The following SLITRK2 variants were observed in gnomAD, a reference collection of about 807,000 sequenced individuals.
SLITRK2 encodes the protein SLIT and NTRK-like protein 2.
A neutral mutation model predicts 35.4 loss-of-function variants in SLITRK2; 13 were observed. The ratio of observed to expected loss-of-function variants is 0.37; its 90% CI spans 0.24 to 0.58. SLITRK2 has a LOEUF of 0.58. Ranked by LOEUF, SLITRK2 falls within the 20% of genes least tolerant of loss-of-function variation. The probability of loss-of-function intolerance (pLI) is 0.75; values close to 1 mark genes in which losing one functional copy is unlikely to be tolerated. For missense variants in SLITRK2, 471 were observed against 634.3 expected, an observed-to-expected ratio of 0.74 and a Z score of 2.76; for synonymous variants, 294 against 264.7, an observed-to-expected ratio of 1.11 and a Z score of -1.07.
rs1556946034 is a variant in SLITRK2 at position 145,827,301 on chromosome X, G to T, written c.*2338G>T. The T allele has an allele frequency of 8.4e-6, 1 of 118,437 alleles. No homozygotes were observed. Among genetic ancestry groups the T allele is most frequent in the Admixed American group, 9.0e-5 (1 of 11,165 alleles). 9.8% of individuals were successfully genotyped at this position (118,437 alleles called of 1,213,427 possible). A position where few individuals can be genotyped will look rare whatever the true frequency, so the allele number is the denominator to read the frequency against. On this transcript the variant is annotated 3_prime_UTR_variant, in exon 5 of 5. Coordinates refer to ENST00000335565, the MANE Select transcript of SLITRK2 (RefSeq NM_032539.5). The stretch of plus-strand genomic sequence containing the variant: ...CTCATTTGATGCAATGATAAATACA[G>T]AATACAGAGGTAGGTATTTTGGGAA...
At position 145,828,291 on chromosome X, in the gene SLITRK2, G is replaced by A; in HGVS notation, c.*3328G>A. 1 of 257,826 alleles carries A rather than the reference G, an allele frequency of 3.9e-6. No homozygotes were observed. Among genetic ancestry groups the A allele is most frequent in the East Asian group, 6.4e-5 (1 of 15,680 alleles). 21.2% of individuals were successfully genotyped at this position (257,826 alleles called of 1,213,427 possible). A position where few individuals can be genotyped will look rare whatever the true frequency, so the allele number is the denominator to read the frequency against. On this transcript the variant is annotated 3_prime_UTR_variant, in exon 5 of 5. Coordinates refer to ENST00000335565, the MANE Select transcript of SLITRK2 (RefSeq NM_032539.5). The stretch of plus-strand genomic sequence containing the variant: ...TTCTTAATGTCTCCAAGTCATCAAG[G>A]GCTTAATAATTTATGAATTTTACAA...
intron 1 of SLITRK2, chrX:145,819,501 G>A (rs782587118): frequency 7.2e-5 from 8 of 111,863 alleles, no homozygotes; most frequent in African/African-American, 2.3e-4. Flanking sequence ...GGTCTTGTTC[G>A]GCTCTCACGT....
Position 145,821,495 on chromosome X carries a change from T to A in SLITRK2, c.-582T>A, listed in dbSNP as rs1451476453. ...TGCCCCCTCCCCCGTGACGTCACCCTAGTCCTGTCCCGGGGAGCCTGCAAA... is the reference window on the plus strand; with the variant it reads ...TGCCCCCTCCCCCGTGACGTCACCCAAGTCCTGTCCCGGGGAGCCTGCAAA... On this transcript the variant is annotated 5_prime_UTR_variant, in exon 3 of 5. Transcript: ENST00000335565. 2 of 108,999 alleles carry A rather than the reference T, an allele frequency of 1.8e-5. No homozygotes were observed. Among genetic ancestry groups the A allele is most frequent in the African/African-American group, 6.7e-5 (2 of 29,896 alleles). The allele number at this position is 108,999 out of a possible 1,213,427, so 9.0% of individuals were successfully genotyped here. A position where few individuals can be genotyped will look rare whatever the true frequency, so the allele number is the denominator to read the frequency against.
At position 145,825,196 on chromosome X, in the gene SLITRK2, T is replaced by G; in HGVS notation, c.*233T>G. 3.1e-6 allele frequency: 1 copy of G among 320,088 alleles called. No individual in the cohort carries two copies. The allele number at this position is 320,088 out of a possible 1,213,427, so 26.4% of individuals were successfully genotyped here. ...TTTTTTTTTTTTTTTTTTTTTCTTT[T>G]TCCCTTCTCTTCTTAGGAACCATCA... On this transcript the variant is annotated 3_prime_UTR_variant, in exon 5 of 5. Coordinates refer to ENST00000335565, the MANE Select transcript of SLITRK2 (RefSeq NM_032539.5).
At chrX:145,821,140 C>CACACACACACAT (rs2073007195) in intron 2 of SLITRK2, 1 of 109,034 alleles carries the variant, frequency 9.2e-6, no homozygotes, top group Non-Finnish European at 1.9e-5. Flanking sequence ...CACACACACA[C>CACACACACACAT]ACACACACAC....
Position 145,821,848 on chromosome X carries a change from G to A in SLITRK2, c.-229G>A, listed in dbSNP as rs1258947721. On this transcript the variant is annotated 5_prime_UTR_variant, in exon 3 of 5. An upstream open reading frame in the 5' UTR gains an earlier in-frame stop. Transcript: ENST00000335565. ...TCCTGAAGATGCTAAACTCCTGGTG[G>A]ACTGCAGAGGAGAGGGATTCAGTCT... 1 of 111,137 alleles carries A rather than the reference G, an allele frequency of 9.0e-6. No individual in the cohort carries two copies. Among genetic ancestry groups the A allele is most frequent in the African/African-American group, 3.3e-5 (1 of 30,437 alleles). 9.2% of individuals were successfully genotyped at this position (111,137 alleles called of 1,213,427 possible). A position where few individuals can be genotyped will look rare whatever the true frequency, so the allele number is the denominator to read the frequency against.
chrX:145,818,358 C>T (rs2072925023), intron 1 of SLITRK2: 1 of 112,770 alleles, frequency 8.9e-6, no homozygotes, highest in South Asian at 3.6e-4. Context: ...GAGGGCAGCC[C>T]GAGTGGCCGT....
rs2073110387 is a variant in SLITRK2, at chrX:145,825,290, C to A, written c.*327C>A. 2 of 189,255 alleles carry A rather than the reference C, an allele frequency of 1.1e-5. No individual in the cohort carries two copies. The highest frequency in any genetic ancestry group is 2.0e-5 in the Non-Finnish European group (2 of 102,368). 15.6% of individuals were successfully genotyped at this position (189,255 alleles called of 1,213,427 possible). On this transcript the variant is annotated 3_prime_UTR_variant, in exon 5 of 5. Coordinates refer to ENST00000335565, the MANE Select transcript of SLITRK2 (RefSeq NM_032539.5). ...TTTATGGTTTTGTTTCTTTTTTCTT[C>A]TTTGTTTTTCAGTGTGGGAGTGGGA...
rs781927291 is a variant in SLITRK2, at chrX:145,823,356, C to G, written c.931C>G (p.Pro311Ala). 7 of 1,209,169 alleles carry G rather than the reference C, an allele frequency of 5.8e-6. No individual in the cohort carries two copies. Among genetic ancestry groups the G allele is most frequent in the Middle Eastern group, 2.3e-4 (1 of 4,376 alleles). Reference protein sequence around the residue: ...ASRPPKMRNRPTPRVTVSKDR... With the variant: ...ASRPPKMRNRATPRVTVSKDR... ...CCGGCCGCCCAAAATGAGAAATCGT[C>G]CAACTCCTCGAGTGACTGTGTCAAA... is the stretch of plus-strand genomic sequence containing the variant. Residue 311 changes from proline (P) to alanine (A), a missense_variant, in exon 5 of 5, where the codon CCA (proline) becomes GCA (alanine). Pro to Ala is a conservative substitution (Grantham distance 27, BLOSUM62 -1). Around this residue, in one of 7 missense-constraint regions of SLITRK2, gnomAD observed 56 missense variants for 48.7 expected, o/e 1.15. Transcript: ENST00000335565.
rs2124204617 is a variant in SLITRK2 at position 145,824,524 on chromosome X, T to A, written c.2099T>A (p.Ile700Asn). Reference protein sequence around the residue: ...PPVGQMCQNPIYMQKEGDPVA... With the variant: ...PPVGQMCQNPNYMQKEGDPVA... ...GTGGGTCAGATGTGCCAAAACCCCA[T>A]CTACATGCAGAAGGAAGGAGACCCA... Residue 700 changes from isoleucine (I) to asparagine (N), a missense_variant, in exon 5 of 5, where the codon ATC becomes AAC. Ile to Asn is a moderately radical substitution (Grantham distance 149). This residue lies in a region of SLITRK2 where 190 missense variants were observed against 199.3 expected (regional missense o/e 0.95). Transcript: ENST00000335565. 2.5e-6 allele frequency: 3 copies of A among 1,210,461 alleles called. No individual in the cohort carries two copies. Among genetic ancestry groups the A allele is most frequent in the Non-Finnish European group, 3.4e-6 (3 of 895,178 alleles).
chrX:145,822,177 G>A (rs2124142991), intron 4 of SLITRK2, 24 bp downstream of exon 4: 1 of 362,772 alleles, frequency 2.8e-6, no homozygotes, highest in East Asian at 4.6e-5. Context: ...TGTTCCCGGG[G>A]CGCGTGTGTG....
chrX:145,828,151 G>T lies in SLITRK2; in HGVS notation c.*3188G>T. 3.5e-6 allele frequency: 2 copies of T among 563,713 alleles called. No homozygotes were observed. The highest frequency in any genetic ancestry group is 2.7e-6 in the Non-Finnish European group (1 of 370,813). 46.5% of individuals were successfully genotyped at this position (563,713 alleles called of 1,213,427 possible). On this transcript the variant is annotated 3_prime_UTR_variant, in exon 5 of 5. Transcript: ENST00000335565. ...AACACAATTGCTAAGAGCCTAATTT[G>T]GTTCTGGACTATGGTCAACCTGTGT...
rs144670117 is a variant in SLITRK2 at position 145,827,941 on chromosome X, G to T, written c.*2978G>T. The T allele has an allele frequency of 1.8e-4, 220 of 1,209,016 alleles. No homozygotes were observed. In the Middle Eastern group the frequency reaches 1.8e-3, roughly 10 times the overall value. On this transcript the variant is annotated 3_prime_UTR_variant, in exon 5 of 5. Coordinates refer to ENST00000335565, the MANE Select transcript of SLITRK2 (RefSeq NM_032539.5). ...CGTATGAGCATCAGCACAGCAAAATGGTTCCAGCCTACAGAATGCAGTCTC... is the reference window on the plus strand; with the variant it reads ...CGTATGAGCATCAGCACAGCAAAATTGTTCCAGCCTACAGAATGCAGTCTC...
Position 145,826,240 on chromosome X carries a change from G to A in SLITRK2, c.*1277G>A, listed in dbSNP as rs1556945885. The A allele has an allele frequency of 9.0e-6, 1 of 111,491 alleles. No individual in the cohort carries two copies. The highest frequency in any genetic ancestry group is 2.8e-4 in the East Asian group (1 of 3,555). 9.2% of individuals were successfully genotyped at this position (111,491 alleles called of 1,213,427 possible). A position where few individuals can be genotyped will look rare whatever the true frequency, so the allele number is the denominator to read the frequency against. On this transcript the variant is annotated 3_prime_UTR_variant, in exon 5 of 5. Coordinates refer to ENST00000335565, the MANE Select transcript of SLITRK2 (RefSeq NM_032539.5). ...CATTACTCTATTTATTTTAGATCACGGGTTAGACTCATAATCCTTCTCAAG... is the reference window on the plus strand; with the variant it reads ...CATTACTCTATTTATTTTAGATCACAGGTTAGACTCATAATCCTTCTCAAG...
In SLITRK2 at chrX:145,823,433, G is replaced by A. The variant is rs2124174490; in HGVS notation, c.1008G>A (p.Val336=). Reference sequence around the variant, plus strand: ...TGGTGTACCAGACCAAGTCTCCTGTGCCTCTCACCTGTCCCAGCAGCTGTG... The same window carrying A: ...TGGTGTACCAGACCAAGTCTCCTGTACCTCTCACCTGTCCCAGCAGCTGTG... ...PIMVYQTKSP[V]PLTCPSSCVC... The change falls in exon 5 of 5, where the codon GTG becomes GTA. Residue 336 remains valine (V), a synonymous_variant. Transcript: ENST00000335565. The A allele has an allele frequency of 8.3e-7, 1 of 1,211,246 alleles. No individual in the cohort carries two copies. The highest frequency in any genetic ancestry group is 1.7e-5 in the African/African-American group (1 of 57,786).
chrX:145,823,137 G>A lies in SLITRK2; in HGVS notation c.712G>A (p.Val238Met), dbSNP rs2124166314. The part of the protein sequence containing the change: ...KAWLDTITVF[V>M]GEIVCETPFR... ...CTGGCTAGACACCATAACTGTTTTT[G>A]TGGGAGAGATTGTCTGTGAGACTCC... Residue 238 changes from valine (V) to methionine (M), a missense_variant, in exon 5 of 5, where the codon GTG (valine) becomes ATG (methionine). Physicochemically the swap from Val to Met is conservative, Grantham distance 21. Coordinates refer to ENST00000335565, the MANE Select transcript of SLITRK2 (RefSeq NM_032539.5). 1 of 1,211,533 alleles carries A rather than the reference G, an allele frequency of 8.3e-7. No individual in the cohort carries two copies. Among genetic ancestry groups the A allele is most frequent in the Non-Finnish European group, 1.1e-6 (1 of 895,489 alleles).
In SLITRK2 at chrX:145,829,450, C is replaced by T. The variant is rs12392798; in HGVS notation, c.*4487C>T. ...CTAACGGCTTGTGCTTGAAAGTCTT[C>T]TGAAGTCTGATGTGAATTGAGCTAT... On this transcript the variant is annotated 3_prime_UTR_variant, in exon 5 of 5. Coordinates refer to ENST00000335565, the MANE Select transcript of SLITRK2 (RefSeq NM_032539.5). 2.7e-4 allele frequency: 33 copies of T among 122,882 alleles called. No individual in the cohort carries two copies. Among genetic ancestry groups the T allele is most frequent in the African/African-American group, 9.8e-4 (30 of 30,746 alleles). The allele number at this position is 122,882 out of a possible 1,213,427, so 10.1% of individuals were successfully genotyped here. A position where few individuals can be genotyped will look rare whatever the true frequency, so the allele number is the denominator to read the frequency against.
chrX:145,829,467 T>C lies in SLITRK2; in HGVS notation c.*4504T>C, dbSNP rs1310585728. ...AAAGTCTTCTGAAGTCTGATGTGAA[T>C]TGAGCTATCAAGCAATGCTATCATA... On this transcript the variant is annotated 3_prime_UTR_variant, in exon 5 of 5. Transcript: ENST00000335565. The C allele has an allele frequency of 2.4e-5, 3 of 122,975 alleles. No individual in the cohort carries two copies. The highest frequency in any genetic ancestry group is 2.8e-4 in the East Asian group (1 of 3,561). The allele number at this position is 122,975 out of a possible 1,213,427, so 10.1% of individuals were successfully genotyped here. A position where few individuals can be genotyped will look rare whatever the true frequency, so the allele number is the denominator to read the frequency against.
Position 145,826,133 on chromosome X carries a change from G to A in SLITRK2, c.*1170G>A, listed in dbSNP as rs1255706526. ...AGACATATGAGCCATTAAAGACCTC[G>A]AAGGAAGACTTCATGGGTGAGATTA... On this transcript the variant is annotated 3_prime_UTR_variant, in exon 5 of 5. Coordinates refer to ENST00000335565, the MANE Select transcript of SLITRK2 (RefSeq NM_032539.5). The A allele has an allele frequency of 9.0e-6, 1 of 111,531 alleles. No individual in the cohort carries two copies. Among genetic ancestry groups the A allele is most frequent in the Non-Finnish European group, 1.9e-5 (1 of 53,071 alleles). The allele number at this position is 111,531 out of a possible 1,213,427, so 9.2% of individuals were successfully genotyped here.
Sources: allele counts gnomAD v4.1 joint callset, GRCh38; gene constraint gnomAD v4.1.1; regional missense constraint gnomAD v4.1.1; transcripts MANE v1.5; gene names NCBI Gene and HGNC (gene_info 2026-07-23, HGNC 2026-07-21).